Variants in NECTIN3 observed in about 807,000 individuals in gnomAD.
NECTIN3 encodes nectin-3.
NECTIN3 carries 8 observed loss-of-function variants against 49.4 expected under a neutral mutation model. The observed-to-expected ratio is 0.16, with a 90% CI of 0.10 to 0.29. The LOEUF (loss-of-function observed/expected upper bound fraction) is 0.29, where lower values mean the gene tolerates loss of function less well. NECTIN3 is among the 10% of genes least tolerant of loss of function. The pLI, the probability that NECTIN3 is intolerant of heterozygous loss-of-function variation, is 1.00. For missense variants in NECTIN3, 581 were observed against 654.6 expected (o/e 0.89, Z 1.23); for synonymous variants, 277 against 241.1 (o/e 1.15, Z -1.38).
chr3:111,193,241 T>G, intron 1 of NECTIN3: 1 of 1,535,834 alleles, frequency 6.5e-7, no homozygotes, highest in Non-Finnish European at 8.7e-7. Flanking sequence ...AAGATGAGAA[T>G]CCAGTTGGGG....
chr3:111,075,231 C>CTAACCCAT (rs2031098272), intron 1 of NECTIN3: 1 of 152,014 alleles, frequency 6.6e-6, no homozygotes, highest in Admixed American at 6.6e-5. Context: ...AATGGGACAC[C>CTAACCCAT]TAACCCATTA....
rs935087807 is a variant in NECTIN3, at chr3:111,183,175, C to T, written c.1222-9176C>T. ...ACATTATTACTATTTTTGTTTTAAACCATAATGTATCTTTTTTTAAAACTA... is the reference window on the plus strand; with the variant it reads ...ACATTATTACTATTTTTGTTTTAAATCATAATGTATCTTTTTTTAAAACTA... On this transcript the variant is annotated intron_variant, in intron 7 of 8. Transcript: ENST00000493615. 5.3e-5 allele frequency among the ~76,000 whole-genome samples: 8 copies of T among 151,948 alleles called. No homozygotes were observed. In the East Asian group the frequency reaches 1.4e-3, roughly 26 times the overall value.
intron 1 of NECTIN3, among the ~76,000 whole-genome samples, chr3:111,095,111 A>G (rs1395777334): frequency 6.6e-6 from 1 of 152,220 alleles, no homozygotes; most frequent in East Asian, 1.9e-4. Context: ...TTAGTGGAAC[A>G]TAGGGTTCTC....
chr3:111,092,120 C>T (rs1465001711), intron 1 of NECTIN3, among the ~76,000 whole-genome samples: 1 of 152,148 alleles, frequency 6.6e-6, no homozygotes, highest in Non-Finnish European at 1.5e-5. Flanking sequence ...ACCCTTTGCT[C>T]ATGTTTCAAT....
At chr3:111,133,534 A>G (rs1300290047) in intron 5 of NECTIN3, 101 bp from the exon 6 acceptor site, 3 of 1,415,736 alleles carry the variant, frequency 2.1e-6, no homozygotes, top group South Asian at 1.5e-5. Flanking sequence ...CTATGAATAT[A>G]TATTCATTAA....
At chr3:111,110,968 G>A (rs2033434260) in intron 1 of NECTIN3, among the ~76,000 whole-genome samples, 1 of 151,952 alleles carries the variant, frequency 6.6e-6, no homozygotes, top group Non-Finnish European at 1.5e-5. Context: ...TCTTGATTAT[G>A]TGGTGATGCC....
intron 1 of NECTIN3, among the ~76,000 whole-genome samples, chr3:111,090,248 A>G (rs2032183654): frequency 6.6e-6 from 1 of 152,144 alleles, no homozygotes; most frequent in African/African-American, 2.4e-5. Context: ...ATTTGAGTTT[A>G]GCTCTACCAT....
intron 1 of NECTIN3, among the ~76,000 whole-genome samples, chr3:111,084,699 C>T (rs149034969): frequency 1.8e-4 from 27 of 152,046 alleles, no homozygotes; most frequent in African/African-American, 4.8e-4. Context: ...GGTTTAGAAA[C>T]GAGATAATTA....
At chr3:111,191,731 G>T (rs2107539373), upstream of NECTIN3, among the ~76,000 whole-genome samples, 1 of 152,258 alleles carries the variant, frequency 6.6e-6, no homozygotes, top group South Asian at 2.1e-4. Context: ...CAAAATATCA[G>T]ACTCTTCTGA....
At chr3:111,184,335 A>T (rs576388128) in intron 7 of NECTIN3, among the ~76,000 whole-genome samples, 1 of 152,150 alleles carries the variant, frequency 6.6e-6, no homozygotes, top group African/African-American at 2.4e-5. Context: ...TTGAAATTTA[A>T]TTGCCATTGT....
At chr3:111,090,568 TTGTG>T (rs10596117) in intron 1 of NECTIN3, among the ~76,000 whole-genome samples, 113,821 of 148,442 alleles carry the variant, frequency 0.77, 46,340 homozygotes, top group Non-Finnish European at 0.9. Flanking sequence ...GTTTGCTTGT[TTGTG>T]TGTGTGTGTG....
chr3:111,073,713 G>A (rs191367666), intron 1 of NECTIN3, among the ~76,000 whole-genome samples: 2 of 152,264 alleles, frequency 1.3e-5, no homozygotes, highest in East Asian at 1.9e-4. Context: ...TCCTGACTTC[G>A]TTTATGTTAA....
chr3:111,142,873 CATG>C (rs2034783272), intron 5 of NECTIN3, among the ~76,000 whole-genome samples: 1 of 151,764 alleles, frequency 6.6e-6, no homozygotes, highest in African/African-American at 2.4e-5. Context: ...GTTGGGCAAA[CATG>C]ATAGGTCTTC....
chr3:111,087,669 G>T (rs2032014022), intron 1 of NECTIN3, among the ~76,000 whole-genome samples: 1 of 151,520 alleles, frequency 6.6e-6, no homozygotes, highest in Non-Finnish European at 1.5e-5. Context: ...AATAAAGAAA[G>T]AAAACAGCCT....
Position 111,112,162 on chromosome 3 carries a change from G to T in NECTIN3, c.293G>T (p.Ser98Ile). 6.2e-7 allele frequency: 1 copy of T among 1,613,882 alleles called. No homozygotes were observed. Among genetic ancestry groups the T allele is most frequent in the African/African-American group, 1.3e-5 (1 of 74,996 alleles). The change falls in exon 2 of 6, where the codon AGT becomes ATT. Residue 98 changes from serine to isoleucine, a missense_variant. Physicochemically the swap from Ser to Ile is moderately radical, Grantham distance 142. Around this residue, in one of 3 missense-constraint regions of NECTIN3, gnomAD observed 234 missense variants for 340.6 expected, o/e 0.69. Coordinates refer to ENST00000485303, the MANE Select transcript of NECTIN3 (RefSeq NM_015480.3). ...QISWEKIHGK[S>I]SQTVAVHHPQ... is the part of the protein sequence containing the mutation. Reference sequence around the variant, plus strand: ...TCATGGGAGAAGATACATGGCAAAAGTTCACAGACTGTTGCAGTTCACCAT... The same window carrying T: ...TCATGGGAGAAGATACATGGCAAAATTTCACAGACTGTTGCAGTTCACCAT...
chr3:111,108,549 A>G (rs1441122442), intron 1 of NECTIN3, among the ~76,000 whole-genome samples: 2 of 152,054 alleles, frequency 1.3e-5, no homozygotes, highest in South Asian at 2.1e-4. Flanking sequence ...ATTATAGTCC[A>G]TTTGTGTTGC....
intron 1 of NECTIN3, among the ~76,000 whole-genome samples, chr3:111,107,096 T>G (rs1341139179): frequency 1.3e-5 from 2 of 152,166 alleles, no homozygotes; most frequent in African/African-American, 4.8e-5. Flanking sequence ...TTAGTGTGTG[T>G]GATCTGTAAT....
chr3:111,148,943 C>G (rs1009088127), intron 7 of NECTIN3, among the ~76,000 whole-genome samples: 4 of 151,998 alleles, frequency 2.6e-5, no homozygotes, highest in Non-Finnish European at 4.4e-5. Flanking sequence ...ATTTCCTTCT[C>G]TCTCCTTGAA....
In NECTIN3 at chr3:111,098,920, C is replaced by T. The variant is rs193265278; in HGVS notation, c.161-13110C>T. Among the ~76,000 whole-genome samples the T allele has an allele frequency of 1.9e-4, 26 of 136,584 alleles. 1 individual carries two copies. The highest frequency in any genetic ancestry group is 7.2e-4 in the Admixed American group (10 of 13,924). The allele number at this position is 136,584 out of a possible 152,430, so 89.6% of individuals were successfully genotyped here. A position where few individuals can be genotyped will look rare whatever the true frequency, so the allele number is the denominator to read the frequency against. On this transcript the variant is annotated intron_variant, in intron 1 of 5. Coordinates refer to ENST00000485303, the MANE Select transcript of NECTIN3 (RefSeq NM_015480.3). ...CCATACAGGTAGGTTGTTAAATAAA[C>T]GTTAGTTTAAAAAAAAAAAAAAAAG...
Sources: allele counts gnomAD v4.1 joint callset (sites outside exome capture counted in the v4.1 genomes callset), GRCh38; gene constraint gnomAD v4.1.1; regional missense constraint gnomAD v4.1.1; transcripts MANE v1.5; gene names NCBI Gene and HGNC (gene_info 2026-07-23, HGNC 2026-07-21).